Variants in ADAM2 observed in about 807,000 individuals in gnomAD.
ADAM2 encodes the protein disintegrin and metalloproteinase domain-containing protein 2.
In ADAM2, 101 loss-of-function variants were observed where a neutral mutation model predicts 99.3. The ratio of observed to expected loss-of-function variants is 1.02; its 90% confidence interval spans 0.87 to 1.20. ADAM2 has a LOEUF of 1.20. ADAM2 is among the 50% of genes most tolerant of loss of function. The probability of loss-of-function intolerance (pLI) is 0.00; values close to 1 mark genes in which losing one functional copy is unlikely to be tolerated. For synonymous variants in ADAM2, 323 were observed against 287.6 expected (o/e 1.12, Z -1.25); for missense variants, 948 against 878.7 (o/e 1.08, Z -1.00).
chr8:39,837,667 G>A (rs1308727356), intron 1 of ADAM2, among the ~76,000 whole-genome samples: 1 of 152,102 alleles, frequency 6.6e-6, no homozygotes, highest in Non-Finnish European at 1.5e-5. Flanking sequence ...TTACAGGCAT[G>A]AGCCACCGTG....
In ADAM2 at chr8:39,755,851, T is replaced by C. The variant is rs1172260543; in HGVS notation, c.1674A>G (p.Pro558=). Reference sequence around the variant, plus strand: ...TGTTGGCATAAATAATAGTGGCTCTTGGAATTTGTAATAAAAATTTACCTA... The same window carrying C: ...TGTTGGCATAAATAATAGTGGCTCTCGGAATTTGTAATAAAAATTTACCTA... ...KYVGKFLLQI[P]RATIIYANIS... is the part of the protein sequence containing the mutation. Residue 558 remains proline (P), a synonymous_variant, in exon 16 of 21, where the codon CCA becomes CCG. Transcript: ENST00000265708. 2 of 1,601,226 alleles carry C rather than the reference T, an allele frequency of 1.2e-6. No individual in the cohort carries two copies. The highest frequency in any genetic ancestry group is 1.3e-5 in the African/African-American group (1 of 74,744).
chr8:39,769,372 T>C lies in ADAM2; in HGVS notation c.1212+20A>G, dbSNP rs367575186. The C allele has an allele frequency of 5.7e-6, 9 of 1,577,238 alleles. No individual in the cohort carries two copies. Among genetic ancestry groups the C allele is most frequent in the Non-Finnish European group, 7.8e-6 (9 of 1,155,198 alleles). ...TTTTTGCTGCAATTTCAGTGCGTAG[T>C]CTTCCGAATTAGTACCAACCTGTTC... On this transcript the variant is annotated intron_variant, in intron 12 of 20. Coordinates refer to ENST00000265708, the MANE Select transcript of ADAM2 (RefSeq NM_001464.5).
chr8:39,816,396 T>C (rs1410735861), intron 6 of ADAM2, among the ~76,000 whole-genome samples: 2 of 152,188 alleles, frequency 1.3e-5, no homozygotes, highest in African/African-American at 2.4e-5. Flanking sequence ...GGACAAATAA[T>C]CTGGCAGCCA....
intron 10 of ADAM2, among the ~76,000 whole-genome samples, chr8:39,777,400 G>A (rs2129584708): frequency 6.6e-6 from 1 of 152,008 alleles, no homozygotes; most frequent in East Asian, 1.9e-4. Context: ...AAAAAAAATT[G>A]CCCCAGGAAT....
intron 16 of ADAM2, among the ~76,000 whole-genome samples, chr8:39,755,236 C>G (rs1034635252): frequency 6.6e-6 from 1 of 152,136 alleles, no homozygotes; most frequent in African/African-American, 2.4e-5. Flanking sequence ...GAAAAAGTTA[C>G]TAAATAACCA....
intron 3 of ADAM2, among the ~76,000 whole-genome samples, chr8:39,831,230 A>G (rs564963654): frequency 1.3e-5 from 2 of 149,188 alleles, no homozygotes; most frequent in East Asian, 3.9e-4. Flanking sequence ...CAGAAATAGC[A>G]TCACATGCAG....
intron 7 of ADAM2, among the ~76,000 whole-genome samples, chr8:39,794,989 C>A (rs1042243343): frequency 6.6e-6 from 1 of 151,872 alleles, no homozygotes; most frequent in African/African-American, 2.4e-5. Flanking sequence ...AATTCATAAA[C>A]AAGAAAAATA....
At chr8:39,830,025 GAAAAACAGCACA>G (rs1473045696) in intron 3 of ADAM2, among the ~76,000 whole-genome samples, 2 of 152,068 alleles carry the variant, frequency 1.3e-5, no homozygotes, top group African/African-American at 2.4e-5. Flanking sequence ...TATAGCAAAT[GAAAAACAGCACA>G]ACTTCTTGAG....
chr8:39,776,955 C>T (rs994757774), intron 11 of ADAM2, 70 bp downstream of exon 11: 1 of 1,014,444 alleles, frequency 9.9e-7, no homozygotes, highest in Admixed American at 2.3e-5. Flanking sequence ...ACAACTTAAA[C>T]TTTCTTCAAC....
intron 2 of ADAM2, 54 bp from the exon 3 acceptor site, chr8:39,834,053 G>A: frequency 2.1e-6 from 2 of 938,122 alleles, no homozygotes; most frequent in Admixed American, 2.1e-5. Flanking sequence ...ATGTTAGAAG[G>A]GATAACCATC....
chr8:39,767,093 A>G (rs1352920873), intron 13 of ADAM2, 50 bp from the exon 14 acceptor site: 2 of 1,599,862 alleles, frequency 1.3e-6, no homozygotes, highest in South Asian at 2.2e-5. Flanking sequence ...GAGAATACAT[A>G]AGCATAATAA....
chr8:39,823,786 C>G lies in ADAM2; in HGVS notation c.267+1033G>C, dbSNP rs985578681. 7.6e-4 allele frequency among the ~76,000 whole-genome samples: 116 copies of G among 152,156 alleles called. 1 individual carries two copies. The highest frequency in any genetic ancestry group is 5.8e-4 in the East Asian group (3 of 5,180). Reference sequence around the variant, plus strand: ...ATTAGTTATATATTTATATAGACTACTCTATAACTGACTCATAGAGTTGTG... The same window carrying G: ...ATTAGTTATATATTTATATAGACTAGTCTATAACTGACTCATAGAGTTGTG... On this transcript the variant is annotated intron_variant, in intron 4 of 20. Transcript: ENST00000265708.
At chr8:39,776,438 A>T (rs202003) in intron 11 of ADAM2, among the ~76,000 whole-genome samples, 27,722 of 152,110 alleles carry the variant, frequency 0.18, 2,836 homozygotes, top group East Asian at 0.29. Context: ...CATCAGAAAG[A>T]TAAAAGGCTG....
intron 7 of ADAM2, among the ~76,000 whole-genome samples, chr8:39,805,583 T>TA (rs1804402630): frequency 6.6e-6 from 1 of 152,180 alleles, no homozygotes; most frequent in Middle Eastern, 3.4e-3. Flanking sequence ...AATGCTATGG[T>TA]AAAAAATAAT....
intron 10 of ADAM2, among the ~76,000 whole-genome samples, chr8:39,778,663 G>T (rs1404625993): frequency 6.6e-6 from 1 of 151,986 alleles, no homozygotes; most frequent in Non-Finnish European, 1.5e-5. Context: ...GTGTTAGGAA[G>T]AAGAAGGAGG....
chr8:39,757,020 C>T (rs538232856), intron 15 of ADAM2, among the ~76,000 whole-genome samples: 1 of 152,216 alleles, frequency 6.6e-6, no homozygotes, highest in African/African-American at 2.4e-5. Context: ...TCACTTTAGT[C>T]TTCCCTCTTC....
chr8:39,823,013 C>A (rs543862485), intron 4 of ADAM2, among the ~76,000 whole-genome samples: 1 of 152,240 alleles, frequency 6.6e-6, no homozygotes, highest in African/African-American at 2.4e-5. Context: ...ATGATCTGCC[C>A]GCGTTGGCCT....
chr8:39,766,760 T>A (rs1313148670), intron 14 of ADAM2, 88 bp downstream of exon 14: 2 of 979,812 alleles, frequency 2.0e-6, no homozygotes, highest in Non-Finnish European at 3.0e-6. Flanking sequence ...ATGTGACATT[T>A]TAAAAATCAC....
intron 6 of ADAM2, among the ~76,000 whole-genome samples, chr8:39,814,370 A>G (rs1385196745): frequency 3.9e-5 from 6 of 152,036 alleles, no homozygotes; most frequent in Non-Finnish European, 8.8e-5. Flanking sequence ...GAAAAAAAAA[A>G]AAAATCCACA....
Sources: gnomAD v4.1 joint callset for allele counts (sites outside exome capture counted in the v4.1 genomes callset) on GRCh38, gnomAD v4.1.1 for gene constraint, MANE v1.5 for transcripts, NCBI Gene and HGNC (gene_info 2026-07-23, HGNC 2026-07-21) for gene names.